The following C16orf89 variants were observed in gnomAD, a reference collection of about 807,000 sequenced individuals.
The protein encoded by C16orf89 is UPF0764 protein C16orf89.
In C16orf89, 57 loss-of-function variants were observed where a neutral mutation model predicts 41.5. That is an observed-to-expected ratio of 1.38 (90% CI 1.11 to 1.71). The LOEUF (loss-of-function observed/expected upper bound fraction) is 1.71. Among genes scored for constraint, C16orf89 ranks in the 40% most tolerant of loss-of-function variants. The pLI is 0.00. For synonymous variants in C16orf89, 223 were observed against 190.6 expected, an observed-to-expected ratio of 1.17 and a Z score of -1.40; for missense variants, 575 against 445.9, an observed-to-expected ratio of 1.29 and a Z score of -2.61.
chr16:5,053,172 C>G (rs940810048), intron 6 of C16orf89, among the ~76,000 whole-genome samples: 2 of 152,068 alleles, frequency 1.3e-5, no homozygotes, highest in African/African-American at 4.8e-5. Flanking sequence ...GAGTTCGTGA[C>G]CAGCATGGCC....
At chr16:5,062,661 T>C in intron 1 of C16orf89, 87 bp from the exon 2 acceptor site, 1 of 1,379,590 alleles carries the variant, frequency 7.2e-7, no homozygotes, top group South Asian at 1.4e-5. Context: ...TGCCCCAAAG[T>C]CTAATGCTTC....
At position 5,056,093 on chromosome 16, in the gene C16orf89, G is replaced by A. The variant is rs535300927; in HGVS notation, c.723C>T (p.Ile241=). 3.8e-6 allele frequency: 6 copies of A among 1,597,816 alleles called. No individual in the cohort carries two copies. The African/African-American group carries it at 4.0e-5, about 11-fold the overall frequency. ...MMDLNRRAEA[I]GYAYPTRDIF... is the part of the protein sequence containing the mutation. ...TGTCCCGGGTAGGGTAGGCGTATCC[G>A]ATGGCCTCAGCTCTGCGGTTCAAGT... Residue 241 remains isoleucine (I), a synonymous_variant, in exon 5 of 8, where the codon ATC becomes ATT. Transcript: ENST00000472572.
At chr16:5,045,716 A>G (rs1396059497) in intron 7 of C16orf89, among the ~76,000 whole-genome samples, 1 of 152,184 alleles carries the variant, frequency 6.6e-6, no homozygotes. Flanking sequence ...AATGAGGCTC[A>G]GTGAGGTTGT....
intron 7 of C16orf89, among the ~76,000 whole-genome samples, chr16:5,045,764 C>G (rs533038741): frequency 6.6e-6 from 1 of 152,224 alleles, no homozygotes; most frequent in African/African-American, 2.4e-5. Flanking sequence ...AAGCGGGACT[C>G]GAACCCACAC....
In C16orf89 at chr16:5,047,513, G is replaced by A. The variant is rs567425963; in HGVS notation, c.955+365C>T. On this transcript the variant is annotated intron_variant, in intron 7 of 7. Transcript: ENST00000472572. ...GACAGGGTCTTGCTCTGTCACCTGG[G>A]CTGGAGTGCAGTGGTGCGATCTCAG... Among the ~76,000 whole-genome samples the A allele has an allele frequency of 2.0e-5, 3 of 151,342 alleles. No individual in the cohort carries two copies. The East Asian group carries it at 5.8e-4, about 29-fold the overall frequency.
At chr16:5,052,399 G>C (rs1956414785) in intron 6 of C16orf89, among the ~76,000 whole-genome samples, 2 of 152,124 alleles carry the variant, frequency 1.3e-5, no homozygotes, top group South Asian at 4.1e-4. Flanking sequence ...GGATCAGCTT[G>C]GGCAACATGG....
chr16:5,062,267 C>T (rs752419196), intron 2 of C16orf89, among the ~76,000 whole-genome samples, 158 bp downstream of exon 2: 16 of 152,182 alleles, frequency 1.1e-4, no homozygotes, highest in Non-Finnish European at 1.8e-4. Context: ...ACCGCACGTC[C>T]CCAGGGCTCG....
intron 1 of C16orf89, 119 bp downstream of exon 1, chr16:5,065,582 C>A: frequency 3.3e-6 from 4 of 1,215,684 alleles, no homozygotes; most frequent in Non-Finnish European, 4.6e-6. Context: ...TCCTTATAGC[C>A]GAGGCAGGCT....
chr16:5,052,517 G>A (rs1256218919), intron 6 of C16orf89, among the ~76,000 whole-genome samples: 3 of 152,040 alleles, frequency 2.0e-5, no homozygotes, highest in Admixed American at 6.6e-5. Flanking sequence ...CTTGAACCCA[G>A]GAGGCAGAGG....
At chr16:5,055,040 C>T (rs572824271) in intron 6 of C16orf89, among the ~76,000 whole-genome samples, 8 of 152,308 alleles carry the variant, frequency 5.3e-5, no homozygotes, top group South Asian at 4.1e-4. Context: ...TCCAATAAGA[C>T]GGCCTCCTGT....
intron 2 of C16orf89, among the ~76,000 whole-genome samples, chr16:5,061,432 CAAAAAAAAAAAAAA>C (rs59903296): frequency 3.0e-3 from 77 of 25,254 alleles, no homozygotes; most frequent in Non-Finnish European, 3.6e-3. Flanking sequence ...GACTCTGTCT[CAAAAAAAAAAAAAA>C]AAAAAAAAAA....
intron 6 of C16orf89, among the ~76,000 whole-genome samples, chr16:5,049,660 A>G (rs921341814): frequency 6.6e-6 from 1 of 152,214 alleles, no homozygotes. Context: ...CACAAGTGAA[A>G]ATAGAAACAC....
intron 6 of C16orf89, among the ~76,000 whole-genome samples, chr16:5,050,727 C>T (rs182761247): frequency 2.0e-4 from 31 of 152,212 alleles, no homozygotes; most frequent in Admixed American, 3.9e-4. Context: ...AACCTAGATG[C>T]AAAAATCCTT....
chr16:5,058,653 C>T (rs369860307), intron 3 of C16orf89, 43 bp from the exon 4 acceptor site: 3 of 1,498,550 alleles, frequency 2.0e-6, no homozygotes, highest in African/African-American at 1.4e-5. Context: ...GGAGCGCTGA[C>T]TCTGCCCTGC....
Position 5,056,038 on chromosome 16 carries a change from G to C in C16orf89, c.763+15C>G, listed in dbSNP as rs373197393. On this transcript the variant is annotated intron_variant, in intron 5 of 7. Coordinates refer to ENST00000472572, the MANE Select transcript of C16orf89 (RefSeq NM_001098514.3). Reference sequence around the variant, plus strand: ...ACCCTGTTCCTTTGCCCCGGGGGCAGAATGCTGGCCATACTGTTTTCCATG... The same window carrying C: ...ACCCTGTTCCTTTGCCCCGGGGGCACAATGCTGGCCATACTGTTTTCCATG... The C allele has an allele frequency of 1.3e-6, 2 of 1,586,760 alleles. No individual in the cohort carries two copies. The highest frequency in any genetic ancestry group is 2.7e-5 in the African/African-American group (2 of 74,168).
At chr16:5,046,533 T>C (rs2142598750) in intron 7 of C16orf89, among the ~76,000 whole-genome samples, 1 of 152,094 alleles carries the variant, frequency 6.6e-6, no homozygotes, top group Non-Finnish European at 1.5e-5. Context: ...GCATTTTTAG[T>C]AGAGATGGGG....
chr16:5,044,601 G>T, intron 7 of C16orf89, 123 bp from the exon 8 acceptor site: 1 of 1,513,756 alleles, frequency 6.6e-7, no homozygotes, highest in South Asian at 1.2e-5. Flanking sequence ...CCACACTTTG[G>T]GAGCCTGAGG....
intron 1 of C16orf89, among the ~76,000 whole-genome samples, chr16:5,065,376 A>G (rs1031100846): frequency 2.0e-5 from 3 of 152,162 alleles, no homozygotes; most frequent in African/African-American, 7.2e-5. Flanking sequence ...AATATCTGTT[A>G]ACGGGGCACT....
At chr16:5,062,370 C>A in intron 2 of C16orf89, 55 bp downstream of exon 2, 1 of 1,530,340 alleles carries the variant, frequency 6.5e-7, no homozygotes, top group South Asian at 1.2e-5. Flanking sequence ...TTATTTCAGT[C>A]AATATCCCCA....
Sources: allele counts gnomAD v4.1 joint callset (sites outside exome capture counted in the v4.1 genomes callset), GRCh38; gene constraint gnomAD v4.1.1; transcripts MANE v1.5; gene names NCBI Gene and HGNC (gene_info 2026-07-23, HGNC 2026-07-21).